The following GATAD2B variants were observed in gnomAD, a reference collection of about 807,000 sequenced individuals.
GATAD2B encodes GATA zinc finger domain containing 2B, also known as transcriptional repressor p66-beta.
Under a neutral mutation model 64.3 loss-of-function variants are expected in GATAD2B, and 8 were observed. The observed-to-expected ratio is 0.12, with a 90% CI of 0.07 to 0.22. The LOEUF (loss-of-function observed/expected upper bound fraction) is 0.22, where lower values mean the gene tolerates loss of function less well. Among genes scored for constraint, GATAD2B ranks in the 10% least tolerant of loss-of-function variants. The pLI is 1.00. For missense variants in GATAD2B, 453 were observed against 752.0 expected, an observed-to-expected ratio of 0.60 and a Z score of 4.65; for synonymous variants, 281 against 271.3, an observed-to-expected ratio of 1.04 and a Z score of -0.35.
At chr1:153,881,510 C>T (rs1677009918) in intron 1 of GATAD2B, among the ~76,000 whole-genome samples, 1 of 152,130 alleles carries the variant, frequency 6.6e-6, no homozygotes, top group African/African-American at 2.4e-5. Context: ...TTTTTTAAAG[C>T]AACAGTGTTT....
chr1:153,915,142 G>A (rs975226725), intron 1 of GATAD2B, among the ~76,000 whole-genome samples: 3 of 152,024 alleles, frequency 2.0e-5, no homozygotes, highest in African/African-American at 7.2e-5. Flanking sequence ...AGGATCACTT[G>A]AACCCGGGAG....
At chr1:153,878,816 C>T (rs1386938293) in intron 1 of GATAD2B, among the ~76,000 whole-genome samples, 22 of 119,892 alleles carry the variant, frequency 1.8e-4, no homozygotes, top group African/African-American at 6.5e-4. Context: ...ATTGCTGTGT[C>T]GCCCAGGCTG....
intron 1 of GATAD2B, among the ~76,000 whole-genome samples, chr1:153,873,986 G>A (rs901192035): frequency 2.6e-5 from 4 of 151,482 alleles, no homozygotes; most frequent in African/African-American, 7.3e-5. Context: ...GGGACCGGGT[G>A]CGGTGGCTCA....
At chr1:153,891,790 AACTG>A (rs2101950333) in intron 1 of GATAD2B, among the ~76,000 whole-genome samples, 1 of 151,984 alleles carries the variant, frequency 6.6e-6, no homozygotes, top group South Asian at 2.1e-4. Flanking sequence ...CCTATCCAAA[AACTG>A]ACTAAAATTT....
At chr1:153,827,378 T>C (rs926099671) in intron 2 of GATAD2B, among the ~76,000 whole-genome samples, 1 of 152,028 alleles carries the variant, frequency 6.6e-6, no homozygotes, top group Admixed American at 6.6e-5. Flanking sequence ...GTACCTCTCC[T>C]TACTGTGTGC....
chr1:153,854,048 T>C (rs1274984983), intron 1 of GATAD2B, among the ~76,000 whole-genome samples: 1 of 152,138 alleles, frequency 6.6e-6, no homozygotes, highest in East Asian at 1.9e-4. Flanking sequence ...CTCCCTGCTT[T>C]ATATAGAGAT....
chr1:153,842,024 T>C (rs1675515065), intron 1 of GATAD2B, among the ~76,000 whole-genome samples: 1 of 151,904 alleles, frequency 6.6e-6, no homozygotes. Context: ...GTGCAGTGGC[T>C]ATTCATAGGC....
intron 1 of GATAD2B, among the ~76,000 whole-genome samples, chr1:153,873,205 T>A (rs1676723945): frequency 6.6e-6 from 1 of 152,206 alleles, no homozygotes; most frequent in South Asian, 2.1e-4. Context: ...TTCCACAGAC[T>A]ACACTTTGAA....
intron 1 of GATAD2B, among the ~76,000 whole-genome samples, chr1:153,863,051 TA>T (rs1275441354): frequency 2.0e-5 from 3 of 152,134 alleles, no homozygotes. Context: ...AAAAATAAAT[TA>T]AAATGCAGCT....
chr1:153,904,899 G>C (rs1005191105), intron 1 of GATAD2B, among the ~76,000 whole-genome samples: 2 of 152,110 alleles, frequency 1.3e-5, no homozygotes, highest in African/African-American at 4.8e-5. Context: ...TAGAGACGGG[G>C]TTTCATCATA....
intron 1 of GATAD2B, among the ~76,000 whole-genome samples, chr1:153,854,711 C>T (rs1293891243): frequency 6.6e-6 from 1 of 152,096 alleles, no homozygotes; most frequent in Non-Finnish European, 1.5e-5. Flanking sequence ...ATATGCTGGT[C>T]TGGAAATTTA....
At chr1:153,865,880 A>T (rs1380491695) in intron 1 of GATAD2B, among the ~76,000 whole-genome samples, 1 of 152,076 alleles carries the variant, frequency 6.6e-6, no homozygotes, top group Non-Finnish European at 1.5e-5. Context: ...CCCAGCATTT[A>T]GGGAAGCTGA....
intron 1 of GATAD2B, among the ~76,000 whole-genome samples, chr1:153,871,842 TG>T: frequency 6.6e-6 from 1 of 152,052 alleles, no homozygotes; most frequent in Non-Finnish European, 1.5e-5. Flanking sequence ...CCCAACTACT[TG>T]GGGGGCTGAG....
At chr1:153,813,505 T>G (rs1674360674) in intron 7 of GATAD2B, 53 bp from the exon 8 acceptor site, 7 of 1,210,068 alleles carry the variant, frequency 5.8e-6, no homozygotes. Flanking sequence ...CTCCTCTGTT[T>G]CTCTTAATCA....
intron 1 of GATAD2B, among the ~76,000 whole-genome samples, chr1:153,868,125 C>T (rs1214132250): frequency 6.6e-6 from 1 of 151,800 alleles, no homozygotes; most frequent in East Asian, 1.9e-4. Flanking sequence ...TGCTCGAACC[C>T]GGGAGGGAGG....
chr1:153,905,227 T>C (rs1333236590), intron 1 of GATAD2B, among the ~76,000 whole-genome samples: 7 of 152,018 alleles, frequency 4.6e-5, no homozygotes, highest in Non-Finnish European at 1.0e-4. Flanking sequence ...TACAAACAAT[T>C]AGCCGGGCGT....
intron 2 of GATAD2B, among the ~76,000 whole-genome samples, chr1:153,824,447 C>A (rs1244138629): frequency 6.6e-6 from 1 of 151,594 alleles, no homozygotes; most frequent in Non-Finnish European, 1.5e-5. Flanking sequence ...GCCAACATGG[C>A]GAAACCCCAT....
chr1:153,819,809 C>A, intron 2 of GATAD2B, 74 bp from the exon 3 acceptor site: 1 of 1,376,300 alleles, frequency 7.3e-7, no homozygotes, highest in Non-Finnish European at 9.9e-7. Context: ...TTAAAAAAAT[C>A]CAAGGGGGGC....
At chr1:153,827,764 T>C (rs147096071) in intron 2 of GATAD2B, among the ~76,000 whole-genome samples, 1 of 152,172 alleles carries the variant, frequency 6.6e-6, no homozygotes, top group Non-Finnish European at 1.5e-5. Context: ...AGCTCTCTAG[T>C]GCCCCCTTTA....
Sources: gnomAD v4.1 joint callset for allele counts (sites outside exome capture counted in the v4.1 genomes callset) on GRCh38, gnomAD v4.1.1 for gene constraint, MANE v1.5 for transcripts, NCBI Gene and HGNC (gene_info 2026-07-23, HGNC 2026-07-21) for gene names.